Variants in STRN3 observed in about 807,000 individuals in gnomAD.
STRN3 encodes the protein striatin 3.
STRN3 carries 29 observed loss-of-function variants against 95.6 expected under a neutral mutation model. That is an observed-to-expected ratio of 0.30 (90% CI 0.23 to 0.41). The LOEUF is 0.41. STRN3 is among the 10% of genes least tolerant of loss of function. STRN3 has a pLI of 1.00. For synonymous variants in STRN3, 331 were observed against 357.6 expected (o/e 0.93, Z 0.84); for missense variants, 890 against 972.1 (o/e 0.92, Z 1.12).
intron 15 of STRN3, 97 bp downstream of exon 15, chr14:30,905,319 TAA>T: frequency 5.8e-6 from 7 of 1,203,246 alleles, no homozygotes; most frequent in Non-Finnish European, 7.7e-6. Flanking sequence ...TTTGCCATCC[TAA>T]ATTCAAATAG....
Position 30,896,078 on chromosome 14 carries a change from C to T in STRN3, c.2138-330G>A, listed in dbSNP as rs138674951. 2.1e-3 allele frequency among the ~76,000 whole-genome samples: 325 copies of T among 152,270 alleles called. 1 individual carries two copies. Among genetic ancestry groups the T allele is most frequent in the African/African-American group, 7.5e-3 (313 of 41,552 alleles). ...CTAATCGACTCTTTCTATAGACTGG[C>T]CTATTCTGGATACTTCGTATAAGTG... is the stretch of plus-strand genomic sequence containing the variant. On this transcript the variant is annotated intron_variant, in intron 16 of 17. Transcript: ENST00000357479.
intron 7 of STRN3, among the ~76,000 whole-genome samples, chr14:30,930,144 G>GA (rs1476839207): frequency 6.6e-6 from 1 of 151,646 alleles, no homozygotes; most frequent in Non-Finnish European, 1.5e-5. Context: ...TTGTGACTGA[G>GA]AAAAATTTAC....
intron 15 of STRN3, 143 bp from the exon 16 acceptor site, chr14:30,902,786 G>A: frequency 1.7e-6 from 1 of 590,100 alleles, no homozygotes; most frequent in South Asian, 2.2e-5. Context: ...AACCAAACAA[G>A]GACTCTAGAG....
chr14:30,914,490 T>G (rs1413090405), intron 9 of STRN3, among the ~76,000 whole-genome samples: 2 of 152,240 alleles, frequency 1.3e-5, no homozygotes, highest in East Asian at 3.9e-4. Flanking sequence ...GTAGCTGGGA[T>G]TACAGGCGCC....
intron 12 of STRN3, among the ~76,000 whole-genome samples, 184 bp downstream of exon 12, chr14:30,911,593 G>A (rs1309359873): frequency 1.3e-5 from 2 of 152,044 alleles, no homozygotes; most frequent in African/African-American, 4.8e-5. Flanking sequence ...ATGAACTACT[G>A]CATCTGGCCT....
At chr14:31,017,847 C>T (rs540163727) in intron 1 of STRN3, among the ~76,000 whole-genome samples, 2 of 151,962 alleles carry the variant, frequency 1.3e-5, no homozygotes, top group Non-Finnish European at 2.9e-5. Flanking sequence ...GAGGCCAAGG[C>T]GGGTGATCAC....
intron 8 of STRN3, among the ~76,000 whole-genome samples, chr14:30,923,798 A>C (rs1211239351): frequency 1.3e-5 from 2 of 152,206 alleles, no homozygotes; most frequent in African/African-American, 4.8e-5. Context: ...GTTGAAAAAG[A>C]GTAACAAATA....
At chr14:31,018,726 C>A in intron 1 of STRN3, 2 of 461,990 alleles carry the variant, frequency 4.3e-6, no homozygotes, top group South Asian at 1.7e-5. Flanking sequence ...GCGTAAAATG[C>A]GAAGATGAGG....
intron 1 of STRN3, among the ~76,000 whole-genome samples, chr14:30,996,781 G>A (rs190405562): frequency 1.8e-3 from 276 of 152,096 alleles, no homozygotes; most frequent in Non-Finnish European, 2.9e-3. Flanking sequence ...CAGGAGAATC[G>A]CTTGAACCCA....
intron 8 of STRN3, among the ~76,000 whole-genome samples, chr14:30,920,810 C>CTTT (rs1456627142): frequency 3.9e-5 from 6 of 152,042 alleles, no homozygotes; most frequent in Non-Finnish European, 7.4e-5. Context: ...ACTCAGAAAC[C>CTTT]ACAAGTAGCA....
At chr14:30,910,573 T>C (rs978227536) in intron 13 of STRN3, among the ~76,000 whole-genome samples, 1 of 151,942 alleles carries the variant, frequency 6.6e-6, no homozygotes, top group African/African-American at 2.4e-5. Context: ...AGGTTTCCTT[T>C]CTTTTTTTTT....
chr14:30,905,372 G>GT, intron 15 of STRN3, 46 bp downstream of exon 15: 2 of 1,540,262 alleles, frequency 1.3e-6, no homozygotes, highest in Non-Finnish European at 1.7e-6. Context: ...CCTCTATTGT[G>GT]TAATAACCCT....
At chr14:30,909,912 A>C (rs1236396202) in intron 13 of STRN3, among the ~76,000 whole-genome samples, 1 of 152,196 alleles carries the variant, frequency 6.6e-6, no homozygotes, top group Admixed American at 6.5e-5. Context: ...AATCCTGTCT[A>C]TTCTACCACA....
chr14:30,921,069 TATACACACACACACAC>T (rs1165168179), intron 8 of STRN3, among the ~76,000 whole-genome samples: 40 of 119,960 alleles, frequency 3.3e-4, no homozygotes, highest in Admixed American at 7.9e-4. Flanking sequence ...TACACATACA[TATACACACACACACAC>T]ACACACACAC....
intron 1 of STRN3, among the ~76,000 whole-genome samples, chr14:30,980,023 G>A (rs1364239594): frequency 2.0e-5 from 3 of 151,900 alleles, no homozygotes; most frequent in Non-Finnish European, 2.9e-5. Flanking sequence ...GCCAAGGTGG[G>A]CGGATCACGA....
intron 7 of STRN3, among the ~76,000 whole-genome samples, chr14:30,929,968 A>C (rs867318740): frequency 8.2e-6 from 1 of 121,944 alleles, no homozygotes. Flanking sequence ...AAAAAAAAAA[A>C]AAAAAAAAAA....
chr14:31,012,910 AG>A (rs1411020066), intron 1 of STRN3, among the ~76,000 whole-genome samples: 77 of 151,876 alleles, frequency 5.1e-4, no homozygotes, highest in African/African-American at 1.7e-3. Flanking sequence ...AAAAAAAAAA[AG>A]TAAGGATGCT....
intron 1 of STRN3, among the ~76,000 whole-genome samples, chr14:30,962,257 T>C (rs1265146769): frequency 1.3e-5 from 2 of 152,210 alleles, no homozygotes; most frequent in Non-Finnish European, 2.9e-5. Flanking sequence ...TTTATATAGC[T>C]GTACAATGTG....
intron 1 of STRN3, among the ~76,000 whole-genome samples, chr14:30,979,383 A>C (rs1445584722): frequency 6.6e-6 from 1 of 152,154 alleles, no homozygotes; most frequent in South Asian, 2.1e-4. Context: ...AATAGGTACC[A>C]AAAATTTTGT....
Sources: allele counts gnomAD v4.1 joint callset (sites outside exome capture counted in the v4.1 genomes callset), GRCh38; gene constraint gnomAD v4.1.1; transcripts MANE v1.5; gene names NCBI Gene and HGNC (gene_info 2026-07-23, HGNC 2026-07-21).